Variants in SUPT3H observed in about 807,000 individuals in gnomAD.
The protein encoded by SUPT3H is SPT3 homolog, SAGA and STAGA complex component, also known as transcription initiation protein SPT3 homolog.
In SUPT3H, 44 loss-of-function variants were observed where a neutral mutation model predicts 44.3. That is an observed-to-expected ratio of 0.99 (90% CI 0.78 to 1.28). The LOEUF (loss-of-function observed/expected upper bound fraction) is 1.28, where lower values mean the gene tolerates loss of function less well. Ranked by LOEUF, SUPT3H falls within the 50% of genes most tolerant of loss-of-function variation. SUPT3H has a pLI of 0.00. For missense variants in SUPT3H, 380 were observed against 387.1 expected, an observed-to-expected ratio of 0.98 and a Z score of 0.15; for synonymous variants, 124 against 125.6, an observed-to-expected ratio of 0.99 and a Z score of 0.09.
intron 5 of SUPT3H, among the ~76,000 whole-genome samples, 166 bp downstream of exon 5, chr6:45,014,630 GTATAA>G (rs944114406): frequency 3.3e-5 from 5 of 152,040 alleles, no homozygotes; most frequent in African/African-American, 9.7e-5. Context: ...AGGTAACACG[GTATAA>G]TATGTTTTAT....
intron 2 of SUPT3H, among the ~76,000 whole-genome samples, chr6:45,134,610 G>A (rs1198704246): frequency 1.3e-5 from 2 of 151,624 alleles, no homozygotes; most frequent in Non-Finnish European, 2.9e-5. Context: ...AACAAGTACT[G>A]CAAAAATAAA....
At position 45,172,041 on chromosome 6, in the gene SUPT3H, G is replaced by T. The variant is rs532804703; in HGVS notation, c.102-66035C>A. 9.6e-5 allele frequency among the ~76,000 whole-genome samples: 14 copies of T among 146,350 alleles called. No individual in the cohort carries two copies. In the South Asian group the frequency reaches 3.1e-3, roughly 32 times the overall value. The stretch of plus-strand genomic sequence containing the variant: ...TCCACTCACTTTTTAAAAAGTGATG[G>T]CATTCCAATGGAATATGGTCATTTA... On this transcript the variant is annotated intron_variant, in intron 2 of 10. Coordinates refer to ENST00000371459, the MANE Select transcript of SUPT3H (RefSeq NM_003599.4).
chr6:44,989,412 C>T (rs1050981072), intron 6 of SUPT3H, among the ~76,000 whole-genome samples: 3 of 152,120 alleles, frequency 2.0e-5, no homozygotes, highest in Admixed American at 1.3e-4. Flanking sequence ...GTCAGGTAGG[C>T]TGTTTCCACA....
chr6:44,896,288 T>G (rs1764120291), intron 10 of SUPT3H, among the ~76,000 whole-genome samples: 1 of 152,202 alleles, frequency 6.6e-6, no homozygotes, highest in Non-Finnish European at 1.5e-5. Context: ...GAATTTCAGC[T>G]TCCTCATCTG....
At chr6:44,944,801 TACAG>T (rs993459759) in intron 9 of SUPT3H, among the ~76,000 whole-genome samples, 3 of 56,582 alleles carry the variant, frequency 5.3e-5, no homozygotes, top group Non-Finnish European at 8.9e-5. Context: ...GAAAAAAAGA[TACAG>T]ACAGACAGAA....
intron 3 of SUPT3H, among the ~76,000 whole-genome samples, chr6:45,090,527 G>A (rs1797002488): frequency 6.6e-6 from 1 of 151,474 alleles, no homozygotes; most frequent in South Asian, 2.1e-4. Flanking sequence ...GAAAATGCAG[G>A]GACTTTTTTA....
At chr6:45,017,597 T>G (rs1784489409) in intron 4 of SUPT3H, among the ~76,000 whole-genome samples, 2 of 151,952 alleles carry the variant, frequency 1.3e-5, no homozygotes, top group East Asian at 3.9e-4. Context: ...ATTTATTAAA[T>G]AGGGAATCCT....
intron 6 of SUPT3H, among the ~76,000 whole-genome samples, chr6:44,988,019 C>T (rs1323274385): frequency 6.6e-6 from 1 of 152,092 alleles, no homozygotes; most frequent in African/African-American, 2.4e-5. Flanking sequence ...TAAGATTAGT[C>T]TGCTTATTTT....
At chr6:45,192,511 C>G (rs2153620222) in intron 2 of SUPT3H, among the ~76,000 whole-genome samples, 1 of 152,076 alleles carries the variant, frequency 6.6e-6, no homozygotes, top group African/African-American at 2.4e-5. Flanking sequence ...ATGTTTATAA[C>G]CCAAATAAGT....
chr6:45,274,973 G>A (rs948705613), intron 2 of SUPT3H, among the ~76,000 whole-genome samples: 4 of 151,936 alleles, frequency 2.6e-5, no homozygotes, highest in Non-Finnish European at 5.9e-5. Context: ...TTCTATTAAT[G>A]AGGCATATTA....
chr6:45,054,567 A>G (rs750014247), intron 3 of SUPT3H, among the ~76,000 whole-genome samples: 3 of 152,166 alleles, frequency 2.0e-5, no homozygotes, highest in Non-Finnish European at 2.9e-5. Flanking sequence ...TTGTTAGTCT[A>G]TCTTTTAATA....
chr6:45,263,817 C>A, intron 2 of SUPT3H, among the ~76,000 whole-genome samples: 1 of 152,182 alleles, frequency 6.6e-6, no homozygotes, highest in South Asian at 2.1e-4. Context: ...GCCATAAAAT[C>A]GTAACCATCA....
intron 8 of SUPT3H, among the ~76,000 whole-genome samples, chr6:44,953,950 C>T (rs1172282308): frequency 6.6e-6 from 1 of 152,078 alleles, no homozygotes; most frequent in East Asian, 1.9e-4. Context: ...ATTGGCCAAG[C>T]TGGTCTTGAA....
intron 2 of SUPT3H, among the ~76,000 whole-genome samples, chr6:45,290,473 A>AT (rs1554326654): frequency 1.3e-5 from 2 of 150,746 alleles, no homozygotes; most frequent in Admixed American, 6.6e-5. Flanking sequence ...AAAAAAAAAA[A>AT]GCAGAGGGTA....
chr6:45,259,322 T>C (rs954933234), intron 2 of SUPT3H, among the ~76,000 whole-genome samples: 1 of 152,152 alleles, frequency 6.6e-6, no homozygotes, highest in East Asian at 1.9e-4. Context: ...GTTTATCATG[T>C]AATTATAATA....
chr6:45,225,852 A>G (rs1163783893), intron 2 of SUPT3H, among the ~76,000 whole-genome samples: 1 of 152,180 alleles, frequency 6.6e-6, no homozygotes, highest in Admixed American at 6.5e-5. Flanking sequence ...AGCCTTCCAC[A>G]TGGTTGTAGT....
intron 2 of SUPT3H, among the ~76,000 whole-genome samples, chr6:45,300,495 T>C (rs991490752): frequency 4.6e-5 from 7 of 152,214 alleles, no homozygotes; most frequent in African/African-American, 1.7e-4. Flanking sequence ...TAAAACTACA[T>C]GGCCCTTTTG....
downstream of SUPT3H, among the ~76,000 whole-genome samples, chr6:44,824,720 CAAAG>C (rs896045557): frequency 1.3e-5 from 2 of 152,254 alleles, no homozygotes; most frequent in East Asian, 1.9e-4. Context: ...GCCTGGGCAA[CAAAG>C]AGAGACCTGA....
intron 2 of SUPT3H, among the ~76,000 whole-genome samples, chr6:45,132,034 A>G (rs1803549085): frequency 6.6e-6 from 1 of 152,188 alleles, no homozygotes. Flanking sequence ...ATAATATAAT[A>G]GAACAATGAT....
Sources: gnomAD v4.1 joint callset for allele counts (sites outside exome capture counted in the v4.1 genomes callset) on GRCh38, gnomAD v4.1.1 for gene constraint, MANE v1.5 for transcripts, NCBI Gene and HGNC (gene_info 2026-07-23, HGNC 2026-07-21) for gene names.